The following RTF2 variants were observed in gnomAD, a reference collection of about 807,000 sequenced individuals.
The protein encoded by RTF2 is UPF0549 protein C20orf43.
Under a neutral mutation model 38.0 loss-of-function variants are expected in RTF2, and 18 were observed. That is an observed-to-expected ratio of 0.47 (90% CI 0.33 to 0.70). The LOEUF (loss-of-function observed/expected upper bound fraction) is 0.70. Ranked by LOEUF, RTF2 falls within the 30% of genes least tolerant of loss-of-function variation. RTF2 has a pLI of 0.02. For missense variants in RTF2, 311 were observed against 379.6 expected, an observed-to-expected ratio of 0.82 and a Z score of 1.50; for synonymous variants, 126 against 137.1, an observed-to-expected ratio of 0.92 and a Z score of 0.57.
intron 6 of RTF2, chr20:56,516,201 T>G (rs1463205110): frequency 6.6e-6 from 1 of 152,236 alleles, no homozygotes; most frequent in Non-Finnish European, 1.5e-5. Context: ...TCAGGCTGCC[T>G]ATTTTTAGTG....
chr20:56,498,996 T>C (rs1983741615), intron 5 of RTF2, among the ~76,000 whole-genome samples: 1 of 151,976 alleles, frequency 6.6e-6, no homozygotes, highest in Non-Finnish European at 1.5e-5. Context: ...TAACATTGAC[T>C]GTGGATTTTA....
At chr20:56,486,683 G>A (rs940269112) in intron 5 of RTF2, among the ~76,000 whole-genome samples, 2 of 152,036 alleles carry the variant, frequency 1.3e-5, no homozygotes, top group African/African-American at 2.4e-5. Flanking sequence ...AATAAAGTTA[G>A]CAGTTAAAAT....
intron 1 of RTF2, among the ~76,000 whole-genome samples, chr20:56,470,145 G>A (rs1162293801): frequency 1.3e-5 from 2 of 152,216 alleles, no homozygotes; most frequent in Non-Finnish European, 2.9e-5. Flanking sequence ...TACCCAAGAG[G>A]ATGAAGTGTA....
intron 6 of RTF2, chr20:56,515,663 G>GACACAC (rs1228929605): frequency 1.2e-4 from 13 of 111,476 alleles, no homozygotes; most frequent in East Asian, 5.6e-4. Flanking sequence ...GTCTCAGACA[G>GACACAC]AGACACACAC....
chr20:56,472,781 C>G (rs1468370868), intron 1 of RTF2, among the ~76,000 whole-genome samples: 1 of 151,304 alleles, frequency 6.6e-6, no homozygotes, highest in South Asian at 2.1e-4. Flanking sequence ...TCTTCTTTTT[C>G]TTTGTACATG....
At chr20:56,477,326 G>T (rs1341317929) in intron 4 of RTF2, among the ~76,000 whole-genome samples, 2 of 152,186 alleles carry the variant, frequency 1.3e-5, no homozygotes, top group Non-Finnish European at 2.9e-5. Flanking sequence ...GCGAGATCCA[G>T]CCTGGTCTGC....
intron 5 of RTF2, among the ~76,000 whole-genome samples, chr20:56,507,515 T>C (rs903596281): frequency 1.3e-5 from 2 of 152,204 alleles, no homozygotes; most frequent in Admixed American, 6.5e-5. Flanking sequence ...TGACTTCTTA[T>C]TGTCAGTGGC....
At chr20:56,497,219 A>G in intron 5 of RTF2, 1 of 1,551,850 alleles carries the variant, frequency 6.4e-7, no homozygotes, top group Non-Finnish European at 8.7e-7. Flanking sequence ...GTACATAAAT[A>G]GCTCTGAGAA....
At chr20:56,491,975 C>T (rs1017256499) in intron 5 of RTF2, among the ~76,000 whole-genome samples, 1 of 152,078 alleles carries the variant, frequency 6.6e-6, no homozygotes, top group Non-Finnish European at 1.5e-5. Context: ...GGTGGAAAGG[C>T]GCACTTTCAT....
chr20:56,505,469 CAG>C (rs1467253534), intron 5 of RTF2, among the ~76,000 whole-genome samples: 1 of 146,030 alleles, frequency 6.8e-6, no homozygotes, highest in Non-Finnish European at 1.5e-5. Context: ...GTCTGGGCAA[CAG>C]AGTGAGATGC....
At chr20:56,475,607 A>C (rs554322017) in intron 3 of RTF2, among the ~76,000 whole-genome samples, 2 of 152,214 alleles carry the variant, frequency 1.3e-5, no homozygotes, top group Non-Finnish European at 2.9e-5. Flanking sequence ...AACCTGTGGT[A>C]GTATGAATCA....
intron 5 of RTF2, among the ~76,000 whole-genome samples, chr20:56,512,567 C>G (rs2146375059): frequency 6.6e-6 from 1 of 152,326 alleles, no homozygotes; most frequent in African/African-American, 2.4e-5. Flanking sequence ...CACCACAACA[C>G]TGTCAGGATG....
rs749656056 is a variant in RTF2 at position 56,503,455 on chromosome 20, CAT to C, written c.478-9859_478-9858del. 3.9e-5 allele frequency among the ~76,000 whole-genome samples: 6 copies of C among 152,254 alleles called. No individual in the cohort carries two copies. In the East Asian group the frequency reaches 9.6e-4, roughly 24 times the overall value. On this transcript the variant is annotated intron_variant, in intron 5 of 8. Coordinates refer to ENST00000357348, the MANE Select transcript of RTF2 (RefSeq NM_016407.5). The stretch of plus-strand genomic sequence containing the variant: ...TGCACGTGGCCTTGAATCTGCCTCT[CAT>C]GTGAGGGGTTAACAAATGGTAGCAT...
At chr20:56,474,083 A>T (rs1055945555) in intron 2 of RTF2, among the ~76,000 whole-genome samples, 11 of 152,278 alleles carry the variant, frequency 7.2e-5, no homozygotes, top group South Asian at 2.1e-4. Context: ...TAATTTTTTT[A>T]AAAAAAGAAG....
chr20:56,493,057 TC>T (rs957108142), intron 5 of RTF2, among the ~76,000 whole-genome samples: 1 of 151,976 alleles, frequency 6.6e-6, no homozygotes, highest in African/African-American at 2.4e-5. Context: ...GTGCCTGTAA[TC>T]CCAGCCACTC....
At position 56,518,440 on chromosome 20, in the gene RTF2, CA is replaced by C. The variant is rs1985193061; in HGVS notation, c.*176del. The C allele has an allele frequency of 1.7e-6, 1 of 592,488 alleles. No individual in the cohort carries two copies. Among genetic ancestry groups the C allele is most frequent in the East Asian group, 3.1e-5 (1 of 32,638 alleles). The allele number at this position is 592,488 out of a possible 1,614,324, so 36.7% of individuals were successfully genotyped here. ...CTCTTGATGTGAGGCGTGTCGGTTC[CA>C]GGGGGGACATGGGAGGGGCTGCACA... On this transcript the variant is annotated 3_prime_UTR_variant, in exon 9 of 9. Coordinates refer to ENST00000357348, the MANE Select transcript of RTF2 (RefSeq NM_016407.5).
chr20:56,476,124 T>C (rs1232990083), intron 3 of RTF2, among the ~76,000 whole-genome samples: 2 of 152,218 alleles, frequency 1.3e-5, no homozygotes, highest in Non-Finnish European at 2.9e-5. Flanking sequence ...CCTTATAAAG[T>C]TGGGAATTCT....
At chr20:56,481,043 AGTCTAAAATAATCACAATATCT>A (rs1296508042) in intron 4 of RTF2, among the ~76,000 whole-genome samples, 1 of 152,232 alleles carries the variant, frequency 6.6e-6, no homozygotes, top group African/African-American at 2.4e-5. Flanking sequence ...GTGAACCTTC[AGTCTAAAATAATCACAATATCT>A]GCAAAGCGCA....
rs186907521 is a variant in RTF2 at position 56,483,343 on chromosome 20, T to C, written c.399-768T>C. The stretch of plus-strand genomic sequence containing the variant: ...TTCCAATTGGATACTTTCAATCTCT[T>C]TTTTTTTTTTTTAAAGCGACAAGCG... On this transcript the variant is annotated intron_variant, in intron 4 of 8. Coordinates refer to ENST00000357348, the MANE Select transcript of RTF2 (RefSeq NM_016407.5). 3.1e-3 allele frequency among the ~76,000 whole-genome samples: 451 copies of C among 147,862 alleles called. 3 individuals carry two copies. The highest frequency in any genetic ancestry group is 5.5e-3 in the Non-Finnish European group (367 of 66,546).
Sources: gnomAD v4.1 joint callset for allele counts (sites outside exome capture counted in the v4.1 genomes callset) on GRCh38, gnomAD v4.1.1 for gene constraint, MANE v1.5 for transcripts, NCBI Gene and HGNC (gene_info 2026-07-23, HGNC 2026-07-21) for gene names.